The following ESPL1 variants were observed in gnomAD, a reference collection of about 807,000 sequenced individuals.
ESPL1 encodes the protein separin.
In ESPL1, 50 loss-of-function variants were observed where a neutral mutation model predicts 217.2. The observed-to-expected ratio is 0.23, with a 90% confidence interval of 0.18 to 0.29. The LOEUF is 0.29. Ranked by LOEUF, ESPL1 falls within the 10% of genes least tolerant of loss-of-function variation. The pLI is 1.00. For missense variants in ESPL1, 1,834 were observed against 2,603.0 expected, an observed-to-expected ratio of 0.70 and a Z score of 6.43; for synonymous variants, 994 against 1,081.3, an observed-to-expected ratio of 0.92 and a Z score of 1.58.
chr12:53,279,362 G>A (rs913066148), intron 11 of ESPL1, among the ~76,000 whole-genome samples: 1 of 152,220 alleles, frequency 6.6e-6, no homozygotes, highest in East Asian at 1.9e-4. Context: ...CCCTAGATTT[G>A]AGACTTGGTT....
At position 53,288,229 on chromosome 12, in the gene ESPL1, C is replaced by G; in HGVS notation, c.4434C>G (p.Ala1478=). Reference sequence around the variant, plus strand: ...GTCCCCAGAGGGCCAGTGACCAGGCCAGGCCTGGCCCTGAGATCATGAGGA... The same window carrying G: ...GTCCCCAGAGGGCCAGTGACCAGGCGAGGCCTGGCCCTGAGATCATGAGGA... ...ERRPQRASDQ[A]RPGPEIMRTI... The change falls in exon 19 of 31, where the codon GCC becomes GCG. Residue 1478 remains alanine (A), a synonymous_variant. Coordinates refer to ENST00000257934, the MANE Select transcript of ESPL1 (RefSeq NM_012291.5). 6.2e-7 allele frequency: 1 copy of G among 1,610,108 alleles called. No individual in the cohort carries two copies. Among genetic ancestry groups the G allele is most frequent in the Admixed American group, 1.7e-5 (1 of 59,006 alleles).
In ESPL1 at chr12:53,288,140, C is replaced by T; in HGVS notation, c.4345C>T (p.Pro1449Ser). 2 of 1,613,676 alleles carry T rather than the reference C, an allele frequency of 1.2e-6. No individual in the cohort carries two copies. Among genetic ancestry groups the T allele is most frequent in the Non-Finnish European group, 1.7e-6 (2 of 1,179,938 alleles). Reference protein sequence around the residue: ...VVAPGSAPGNPGLNGRSRRAK... With the variant: ...VVAPGSAPGNSGLNGRSRRAK... ...TGCCCCAGGTAGTGCCCCTGGGAACCCTGGCCTGAATGGCAGGAGCCGGAG... is the reference window on the plus strand; with the variant it reads ...TGCCCCAGGTAGTGCCCCTGGGAACTCTGGCCTGAATGGCAGGAGCCGGAG... The change falls in exon 19 of 31, where the codon CCT (proline) becomes TCT (serine). Residue 1449 changes from proline (P) to serine (S), a missense_variant. Pro to Ser is a moderately conservative substitution (Grantham distance 74). Around this residue, in one of 5 missense-constraint regions of ESPL1, gnomAD observed 681 missense variants for 808.0 expected, o/e 0.84. Coordinates refer to ENST00000257934, the MANE Select transcript of ESPL1 (RefSeq NM_012291.5).
intron 6 of ESPL1, among the ~76,000 whole-genome samples, 154 bp from the exon 7 acceptor site, chr12:53,274,663 G>A (rs1461754700): frequency 1.3e-5 from 2 of 152,132 alleles, no homozygotes; most frequent in African/African-American, 2.4e-5. Context: ...TTCATTCTTA[G>A]GTGTCTCCTG....
chr12:53,283,243 C>T lies in ESPL1; in HGVS notation c.2906C>T (p.Ser969Leu), dbSNP rs1943893297. 6.8e-6 allele frequency: 11 copies of T among 1,614,068 alleles called. No homozygotes were observed. The highest frequency in any genetic ancestry group is 1.7e-5 in the Admixed American group (1 of 59,998). ...LSTQKAAVET[S>L]FLDYGENLVQ... ...ACTCAGAAAGCAGCTGTGGAGACATCGTTTTTGGACTATGGTGAGTCTGGG... is the reference window on the plus strand; with the variant it reads ...ACTCAGAAAGCAGCTGTGGAGACATTGTTTTTGGACTATGGTGAGTCTGGG... The change falls in exon 15 of 31, where the codon TCG (serine) becomes TTG (leucine). Residue 969 changes from serine (S) to leucine (L), a missense_variant. This residue lies in a region of ESPL1 where 107 missense variants were observed against 171.7 expected (regional missense o/e 0.62). Coordinates refer to ENST00000257934, the MANE Select transcript of ESPL1 (RefSeq NM_012291.5).
Position 53,286,698 on chromosome 12 carries a change from A to C in ESPL1, c.3962A>C (p.Gln1321Pro). ...CAAAAACGTTCTGGACGAGGGCGCC[A>C]AAAGTTAGCCTCTGCTCCCCTGCGC... ...QGQKRSGRGR[Q>P]KLASAPLRLN... Residue 1321 changes from glutamine (Q) to proline (P), a missense_variant, in exon 18 of 31, where the codon CAA becomes CCA. Physicochemically the swap from Gln to Pro is moderately conservative, Grantham distance 76. Around this residue, in one of 5 missense-constraint regions of ESPL1, gnomAD observed 681 missense variants for 808.0 expected, o/e 0.84. Transcript: ENST00000257934. The surrounding 1 kb of genome is among the most constrained non-coding windows in gnomAD (Gnocchi z 5.3). The C allele has an allele frequency of 6.2e-7, 1 of 1,614,148 alleles. No individual in the cohort carries two copies. The highest frequency in any genetic ancestry group is 8.5e-7 in the Non-Finnish European group (1 of 1,180,020).
intron 7 of ESPL1, 65 bp downstream of exon 7, chr12:53,275,075 G>T: frequency 7.5e-7 from 1 of 1,332,894 alleles, no homozygotes; most frequent in Non-Finnish European, 1.0e-6. Flanking sequence ...AGCCGAGGCG[G>T]GTGGATCACT....
rs759799228 is a variant in ESPL1 at position 53,290,170 on chromosome 12, C to T, written c.5199C>T (p.Asp1733=). 1 of 1,614,158 alleles carries T rather than the reference C, an allele frequency of 6.2e-7. No individual in the cohort carries two copies. Among genetic ancestry groups the T allele is most frequent in the East Asian group, 2.2e-5 (1 of 44,890 alleles). Reference sequence around the variant, plus strand: ...TCCTGCTGACCCGGCTGGAAAAGGACAGTCCCCCAGTCAGTGTGCAGATTC... The same window carrying T: ...TCCTGCTGACCCGGCTGGAAAAGGATAGTCCCCCAGTCAGTGTGCAGATTC... The part of the protein sequence containing the change: ...NTLLLTRLEK[D]SPPVSVQIPT... The change falls in exon 23 of 31, where the codon GAC becomes GAT. Residue 1733 remains aspartate, a synonymous_variant. Coordinates refer to ENST00000257934, the MANE Select transcript of ESPL1 (RefSeq NM_012291.5).
chr12:53,275,561 A>G (rs909742139), intron 7 of ESPL1, among the ~76,000 whole-genome samples: 1 of 152,170 alleles, frequency 6.6e-6, no homozygotes, highest in Non-Finnish European at 1.5e-5. Flanking sequence ...ATGTCTGAAA[A>G]ATACTAATTC....
Position 53,270,320 on chromosome 12 carries a change from C to A in ESPL1, c.1144-58C>A. On this transcript the variant is annotated intron_variant, in intron 3 of 30. Transcript: ENST00000257934. ...CTCTCCAGGACTCCGGGTCAGTCTT[C>A]AGCTTGGAGCCCTCTTTATCTCTAC... 2.3e-6 allele frequency: 3 copies of A among 1,280,424 alleles called. No individual in the cohort carries two copies. The East Asian group carries it at 6.9e-5, about 30-fold the overall frequency. 79.3% of individuals were successfully genotyped at this position (1,280,424 alleles called of 1,614,324 possible).
In ESPL1 at chr12:53,274,865, A is replaced by G. The variant is rs1943738002; in HGVS notation, c.1555A>G (p.Lys519Glu). 1.2e-6 allele frequency: 2 copies of G among 1,614,036 alleles called. No homozygotes were observed. The highest frequency in any genetic ancestry group is 3.3e-5 in the Admixed American group (2 of 60,006). Residue 519 changes from lysine (K) to glutamate (E), a missense_variant, in exon 7 of 31, where the codon AAA becomes GAA. This residue lies in a region of ESPL1 where 746 missense variants were observed against 1,077.0 expected (regional missense o/e 0.69). Transcript: ENST00000257934. Reference protein sequence around the residue: ...LQVESLKKLGKQAQGCKMVIL... With the variant: ...LQVESLKKLGEQAQGCKMVIL... ...AGTAGAGAGTTTGAAGAAACTGGGT[A>G]AACAGGCCCAGGGCTGCAAGATGGT...
chr12:53,278,651 G>A (rs1361340014), intron 11 of ESPL1, among the ~76,000 whole-genome samples: 1 of 150,830 alleles, frequency 6.6e-6, no homozygotes, highest in Non-Finnish European at 1.5e-5. Context: ...GAGTGCAGTG[G>A]CGCAATCTGG....
chr12:53,270,895 G>T (rs114605266), intron 5 of ESPL1, 97 bp downstream of exon 5: 4 of 1,319,706 alleles, frequency 3.0e-6, no homozygotes, highest in East Asian at 4.7e-5. Context: ...CCACTGTGAG[G>T]GTTCCTTATG....
intron 5 of ESPL1, 126 bp downstream of exon 5, chr12:53,270,924 A>G: frequency 2.0e-6 from 2 of 1,006,452 alleles, no homozygotes; most frequent in East Asian, 2.5e-5. Context: ...AGGCAGTGAG[A>G]GAAATGTTTA....
At chr12:53,284,288 C>A in intron 17 of ESPL1, 121 bp downstream of exon 17, 1 of 681,206 alleles carries the variant, frequency 1.5e-6, no homozygotes, top group African/African-American at 1.8e-5. Flanking sequence ...CACTTTATTA[C>A]CCAGGCTGGA....
chr12:53,275,294 C>G (rs1943746402), intron 7 of ESPL1, among the ~76,000 whole-genome samples: 2 of 152,128 alleles, frequency 1.3e-5, no homozygotes, highest in African/African-American at 2.4e-5. Context: ...AACCCCATCT[C>G]TACTAAAAAT....
At chr12:53,268,588 G>C (rs1330153618) in intron 1 of ESPL1, among the ~76,000 whole-genome samples, 167 bp from the exon 2 acceptor site, 4 of 152,228 alleles carry the variant, frequency 2.6e-5, no homozygotes, top group Non-Finnish European at 5.9e-5. Flanking sequence ...GAGGAAGGAA[G>C]AGCGGAATCG....
Position 53,284,162 on chromosome 12 carries a change from G to C in ESPL1, c.3182G>C (p.Cys1061Ser). Residue 1061 changes from cysteine (C) to serine (S), a missense_variant, in exon 17 of 31, where the codon TGC becomes TCC. Cys to Ser is a moderately radical substitution (Grantham distance 112, BLOSUM62 -1). Transcript: ENST00000257934. ...LQQVLFLLES[C>S]TEFGGVTQHL... ...CAGGTTCTGTTCTTGCTTGAGTCTT[G>C]CACAGGTGAGCAGCCATGTCCCCAT... 6.3e-7 allele frequency: 1 copy of C among 1,594,536 alleles called. No homozygotes were observed. Among genetic ancestry groups the C allele is most frequent in the Non-Finnish European group, 8.6e-7 (1 of 1,162,048 alleles).
rs370652542 is a variant in ESPL1 at position 53,284,198 on chromosome 12, G to A, written c.3187+31G>A. The stretch of plus-strand genomic sequence containing the variant: ...CAGCCATGTCCCCATGACCATAGGC[G>A]GTGCTGAAATGACACACACTACAGC... On this transcript the variant is annotated intron_variant, in intron 17 of 30. Transcript: ENST00000257934. The A allele has an allele frequency of 2.5e-5, 34 of 1,353,480 alleles. 1 individual carries two copies. The highest frequency in any genetic ancestry group is 4.3e-5 in the African/African-American group (3 of 69,914). 83.8% of individuals were successfully genotyped at this position (1,353,480 alleles called of 1,614,324 possible). A position where few individuals can be genotyped will look rare whatever the true frequency, so the allele number is the denominator to read the frequency against.
chr12:53,288,747 C>T, intron 20 of ESPL1, 48 bp downstream of exon 20: 1 of 1,541,602 alleles, frequency 6.5e-7, no homozygotes, highest in Non-Finnish European at 8.8e-7. Context: ...GGCTGAGCCT[C>T]TAGGGCTTTT....
Sources: allele counts gnomAD v4.1 joint callset (sites outside exome capture counted in the v4.1 genomes callset), GRCh38; gene constraint gnomAD v4.1.1; regional missense constraint gnomAD v4.1.1; non-coding constraint Gnocchi (gnomAD v3.1); transcripts MANE v1.5; gene names NCBI Gene and HGNC (gene_info 2026-07-23, HGNC 2026-07-21).